Variants in NPTN observed in about 807,000 individuals in gnomAD.
NPTN encodes the protein SDR-1.
In NPTN, 5 loss-of-function variants were observed where a neutral mutation model predicts 42.7. The observed-to-expected ratio is 0.12, with a 90% confidence interval of 0.06 to 0.25. NPTN has a LOEUF of 0.25. NPTN is among the 10% of genes least tolerant of loss of function. The probability of loss-of-function intolerance (pLI) is 1.00; values close to 1 mark genes in which losing one functional copy is unlikely to be tolerated. For synonymous variants in NPTN, 180 were observed against 201.9 expected (o/e 0.89, Z 0.92); for missense variants, 307 against 525.4 (o/e 0.58, Z 4.06).
intron 4 of NPTN, among the ~76,000 whole-genome samples, chr15:73,579,902 G>T (rs1227502780): frequency 6.6e-6 from 1 of 152,116 alleles, no homozygotes. Flanking sequence ...CCCCAAGCCA[G>T]AACACCCCAC....
chr15:73,611,304 G>C (rs1897566356), intron 1 of NPTN, among the ~76,000 whole-genome samples: 1 of 152,028 alleles, frequency 6.6e-6, no homozygotes, highest in Admixed American at 6.6e-5. Flanking sequence ...CCCACTTGTG[G>C]AATTTAGTAT....
rs1282711170 is a variant in NPTN, at chr15:73,560,673, G to A, written c.*390C>T. ...ACTGTATATATCTGTAGGTTTTGCTGTACTTTACAAAAGTGTATCACTAGA... is the reference window on the plus strand; with the variant it reads ...ACTGTATATATCTGTAGGTTTTGCTATACTTTACAAAAGTGTATCACTAGA... On this transcript the variant is annotated 3_prime_UTR_variant, in exon 9 of 9. Coordinates refer to ENST00000345330, the MANE Select transcript of NPTN (RefSeq NM_012428.4). 6.6e-6 allele frequency: 1 copy of A among 150,530 alleles called. No individual in the cohort carries two copies. The highest frequency in any genetic ancestry group is 1.5e-5 in the Non-Finnish European group (1 of 67,764). The allele number at this position is 150,530 out of a possible 1,614,324, so 9.3% of individuals were successfully genotyped here.
intron 1 of NPTN, among the ~76,000 whole-genome samples, chr15:73,621,616 G>T (rs1898139172): frequency 6.6e-6 from 1 of 152,140 alleles, no homozygotes; most frequent in South Asian, 2.1e-4. Context: ...CAAACAGACA[G>T]TATTACAGGG....
Position 73,563,364 on chromosome 15 carries a change from A to G in NPTN, c.1115-107T>C, listed in dbSNP as rs548265695. Reference sequence around the variant, plus strand: ...ACAGAATAGCAAACTGCAAGTGGCAATCATGGCTACTCACAGCATTTATTA... The same window carrying G: ...ACAGAATAGCAAACTGCAAGTGGCAGTCATGGCTACTCACAGCATTTATTA... On this transcript the variant is annotated intron_variant, in intron 6 of 8. Transcript: ENST00000345330. The G allele has an allele frequency of 3.2e-6, 5 of 1,546,716 alleles. No homozygotes were observed. The East Asian group carries it at 7.1e-5, about 22-fold the overall frequency.
chr15:73,599,816 A>G (rs1027287912), intron 1 of NPTN, among the ~76,000 whole-genome samples: 2 of 152,104 alleles, frequency 1.3e-5, no homozygotes, highest in Admixed American at 6.5e-5. Context: ...GTCTTATCAC[A>G]TTATCTGTGA....
Position 73,573,641 on chromosome 15 carries a change from C to T in NPTN, c.840+21G>A, listed in dbSNP as rs201181466. On this transcript the variant is annotated intron_variant, in intron 5 of 8. Coordinates refer to ENST00000345330, the MANE Select transcript of NPTN (RefSeq NM_012428.4). ...AGGGAAAACTCCAGCAACCAGAGACCCGGGCCTGCCTCCTACTCACCATGG... is the reference window on the plus strand; with the variant it reads ...AGGGAAAACTCCAGCAACCAGAGACTCGGGCCTGCCTCCTACTCACCATGG... 2.8e-3 allele frequency: 4,343 copies of T among 1,542,438 alleles called. 10 individuals carry two copies. The highest frequency in any genetic ancestry group is 3.5e-3 in the Non-Finnish European group (4,009 of 1,148,538).
intron 4 of NPTN, among the ~76,000 whole-genome samples, chr15:73,575,054 G>C (rs901022887): frequency 5.3e-5 from 8 of 152,204 alleles, no homozygotes; most frequent in African/African-American, 1.9e-4. Context: ...TGTGATCTTG[G>C]CTCACTGCAA....
intron 6 of NPTN, 155 bp from the exon 7 acceptor site, chr15:73,563,412 C>T: frequency 6.9e-7 from 1 of 1,440,070 alleles, no homozygotes; most frequent in Non-Finnish European, 9.1e-7. Flanking sequence ...TCTGGAGGTG[C>T]AAAACACTCA....
chr15:73,631,444 T>C (rs1291890939), intron 1 of NPTN, among the ~76,000 whole-genome samples: 1 of 152,194 alleles, frequency 6.6e-6, no homozygotes, highest in Non-Finnish European at 1.5e-5. Context: ...TGCAGTGATA[T>C]CCAAGGCCAT....
chr15:73,598,948 A>G (rs1896952513), intron 1 of NPTN, among the ~76,000 whole-genome samples: 1 of 152,194 alleles, frequency 6.6e-6, no homozygotes, highest in East Asian at 1.9e-4. Flanking sequence ...ATACTTACTC[A>G]AGTAGAGGCC....
intron 1 of NPTN, among the ~76,000 whole-genome samples, chr15:73,618,743 G>A (rs937484849): frequency 2.0e-5 from 3 of 152,112 alleles, no homozygotes; most frequent in African/African-American, 7.2e-5. Flanking sequence ...GGCTGGGGTA[G>A]AAGGATCACT....
intron 1 of NPTN, among the ~76,000 whole-genome samples, chr15:73,606,442 G>T (rs1223204391): frequency 6.6e-6 from 1 of 152,142 alleles, no homozygotes; most frequent in Non-Finnish European, 1.5e-5. Flanking sequence ...GGTTTTGCTA[G>T]CCATTAAAAA....
At chr15:73,616,577 A>G (rs1380807341) in intron 1 of NPTN, among the ~76,000 whole-genome samples, 1 of 152,144 alleles carries the variant, frequency 6.6e-6, no homozygotes, top group Non-Finnish European at 1.5e-5. Context: ...CCCTCAGGAA[A>G]TCCCAAAATT....
chr15:73,573,441 T>C (rs1895518221), intron 5 of NPTN, among the ~76,000 whole-genome samples: 2 of 152,182 alleles, frequency 1.3e-5, no homozygotes, highest in Admixed American at 1.3e-4. Flanking sequence ...ATCTAATCTC[T>C]TACCAGAGGG....
rs1896873066 is a variant in NPTN, at chr15:73,597,213, C to T, written c.248G>A (p.Arg83Gln). The T allele has an allele frequency of 1.2e-6, 2 of 1,613,986 alleles. No homozygotes were observed. The highest frequency in any genetic ancestry group is 1.7e-6 in the Non-Finnish European group (2 of 1,180,020). Reference protein sequence around the residue: ...ESFRQLWDGARKRRVTVNTAY... With the variant: ...ESFRQLWDGAQKRRVTVNTAY... ...GGTGTTTACGGTGACACGGCGCTTC[C>T]GAGCACCGTCCCACAGCTGTCTGAA... The change falls in exon 2 of 9, where the codon CGG becomes CAG. Residue 83 changes from arginine to glutamine, a missense_variant. Around this residue, in one of 2 missense-constraint regions of NPTN, gnomAD observed 264 missense variants for 491.1 expected, o/e 0.54. Coordinates refer to ENST00000345330, the MANE Select transcript of NPTN (RefSeq NM_012428.4). The surrounding 1 kb of genome is among the most constrained non-coding windows in gnomAD (Gnocchi z 6.3).
intron 6 of NPTN, chr15:73,567,103 T>C (rs1895067998): frequency 2.0e-6 from 2 of 980,938 alleles, no homozygotes; most frequent in South Asian, 9.5e-5. Context: ...GAAACATACT[T>C]AAACTAAACT....
chr15:73,560,402 T>C lies in NPTN; in HGVS notation c.*661A>G, dbSNP rs1482268033. ...CACTTAAAAAGCAATCATACGTATA[T>C]ACTGCAATTCATTATACCCATTCAG... On this transcript the variant is annotated 3_prime_UTR_variant, in exon 9 of 9. Transcript: ENST00000345330. 2 of 154,036 alleles carry C rather than the reference T, an allele frequency of 1.3e-5. No homozygotes were observed. The highest frequency in any genetic ancestry group is 4.8e-5 in the African/African-American group (2 of 41,446). The allele number at this position is 154,036 out of a possible 1,614,324, so 9.5% of individuals were successfully genotyped here. A position where few individuals can be genotyped will look rare whatever the true frequency, so the allele number is the denominator to read the frequency against.
intron 8 of NPTN, among the ~76,000 whole-genome samples, chr15:73,561,588 G>T (rs991301738): frequency 6.6e-6 from 1 of 152,132 alleles, no homozygotes; most frequent in Non-Finnish European, 1.5e-5. Flanking sequence ...GCTGGGGCAG[G>T]AGAATTGCTT....
chr15:73,591,906 T>C (rs1595927532), intron 3 of NPTN, 60 bp downstream of exon 3: 2 of 1,495,284 alleles, frequency 1.3e-6, no homozygotes, highest in Non-Finnish European at 1.8e-6. Context: ...GGATTATGAA[T>C]GTCAAGTAAG....
Sources: gnomAD v4.1 joint callset for allele counts (sites outside exome capture counted in the v4.1 genomes callset) on GRCh38, gnomAD v4.1.1 for gene constraint, gnomAD v4.1.1 regional missense constraint, Gnocchi (gnomAD v3.1) non-coding constraint, MANE v1.5 for transcripts, NCBI Gene and HGNC (gene_info 2026-07-23, HGNC 2026-07-21) for gene names.